The following IGF2BP3 variants were observed in gnomAD, a reference collection of about 807,000 sequenced individuals.
IGF2BP3 encodes insulin like growth factor 2 mRNA binding protein 3.
IGF2BP3 carries 9 observed loss-of-function variants against 73.8 expected under a neutral mutation model. The ratio of observed to expected loss-of-function variants is 0.12; its 90% CI spans 0.07 to 0.21. The LOEUF is 0.21. IGF2BP3 is among the 10% of genes least tolerant of loss of function. The pLI is 1.00. For missense variants in IGF2BP3, 542 were observed against 714.0 expected (o/e 0.76, Z 2.75); for synonymous variants, 258 against 256.7 (o/e 1.01, Z -0.05).
At chr7:23,457,220 T>G (rs1222061006) in intron 2 of IGF2BP3, among the ~76,000 whole-genome samples, 1 of 152,076 alleles carries the variant, frequency 6.6e-6, no homozygotes, top group Non-Finnish European at 1.5e-5. Context: ...CCCAGCACTT[T>G]GGGAGGCTAA....
At chr7:23,377,734 G>T (rs1263844712) in intron 3 of IGF2BP3, among the ~76,000 whole-genome samples, 1 of 152,184 alleles carries the variant, frequency 6.6e-6, no homozygotes, top group African/African-American at 2.4e-5. Flanking sequence ...TGGATAAACA[G>T]TAAGTGGTAT....
intron 6 of IGF2BP3, among the ~76,000 whole-genome samples, chr7:23,348,248 A>C (rs1784879717): frequency 6.6e-6 from 1 of 152,230 alleles, no homozygotes; most frequent in Admixed American, 6.5e-5. Flanking sequence ...TGCAACGAAC[A>C]GTGATAGGAA....
intron 2 of IGF2BP3, among the ~76,000 whole-genome samples, chr7:23,457,474 A>T (rs1584066288): frequency 6.6e-6 from 1 of 152,140 alleles, no homozygotes; most frequent in East Asian, 1.9e-4. Flanking sequence ...AAAAAAAAAA[A>T]ATTTTTTTTA....
In IGF2BP3 at chr7:23,445,111, T is replaced by C. The variant is rs1448196558; in HGVS notation, c.236+23371A>G. Reference sequence around the variant, plus strand: ...AGTAAGGTATGGTGCTAAGTCGTATTTTTTCTAAAAAAGCATACATTCACA... The same window carrying C: ...AGTAAGGTATGGTGCTAAGTCGTATCTTTTCTAAAAAAGCATACATTCACA... On this transcript the variant is annotated intron_variant, in intron 2 of 14. Coordinates refer to ENST00000258729, the MANE Select transcript of IGF2BP3 (RefSeq NM_006547.3). Among the ~76,000 whole-genome samples the C allele has an allele frequency of 2.6e-5, 4 of 152,240 alleles. No homozygotes were observed. The East Asian group carries it at 7.7e-4, about 29-fold the overall frequency.
chr7:23,396,233 TTAAATA>T (rs966452074), intron 3 of IGF2BP3, among the ~76,000 whole-genome samples: 6 of 151,926 alleles, frequency 3.9e-5, no homozygotes, highest in African/African-American at 1.4e-4. Flanking sequence ...CATAAGACAA[TTAAATA>T]TAAAGTGCTG....
At chr7:23,405,364 C>T (rs1786793865) in intron 3 of IGF2BP3, among the ~76,000 whole-genome samples, 1 of 152,184 alleles carries the variant, frequency 6.6e-6, no homozygotes, top group South Asian at 2.1e-4. Flanking sequence ...GTAAAGATAA[C>T]AGACAGACTA....
chr7:23,383,665 C>T (rs1785984551), intron 3 of IGF2BP3, among the ~76,000 whole-genome samples: 1 of 152,142 alleles, frequency 6.6e-6, no homozygotes, highest in African/African-American at 2.4e-5. Flanking sequence ...CACATGTTCA[C>T]ACAAGAAATC....
intron 3 of IGF2BP3, among the ~76,000 whole-genome samples, chr7:23,404,238 G>C (rs1786758813): frequency 6.6e-6 from 1 of 152,002 alleles, no homozygotes; most frequent in Non-Finnish European, 1.5e-5. Flanking sequence ...CAAAGGCAGA[G>C]TACTAAAGAG....
intron 3 of IGF2BP3, among the ~76,000 whole-genome samples, chr7:23,370,667 G>GT (rs1474763124): frequency 6.7e-6 from 1 of 150,066 alleles, no homozygotes; most frequent in Non-Finnish European, 1.5e-5. Flanking sequence ...CTAGTTCTAG[G>GT]TTTTTTGGTT....
At chr7:23,417,245 A>G (rs1317706751) in intron 3 of IGF2BP3, among the ~76,000 whole-genome samples, 1 of 152,202 alleles carries the variant, frequency 6.6e-6, no homozygotes. Flanking sequence ...AAAGGGAGTC[A>G]AAGGTGAAGA....
intron 2 of IGF2BP3, among the ~76,000 whole-genome samples, chr7:23,438,035 C>A (rs1263862704): frequency 6.6e-6 from 1 of 152,236 alleles, no homozygotes; most frequent in Non-Finnish European, 1.5e-5. Context: ...CTCACTTACA[C>A]AGATATTCAG....
rs189221807 is a variant in IGF2BP3, at chr7:23,411,869, C to T, written c.285+6907G>A. ...TCATCCACGGCTTACAGTGGGGTCT[C>T]TCTGAGCTATTTTATATTAACTATG... On this transcript the variant is annotated intron_variant, in intron 3 of 14. Transcript: ENST00000258729. Among the ~76,000 whole-genome samples, 441 of 152,080 alleles carry T rather than the reference C, an allele frequency of 2.9e-3. 4 individuals carry two copies. The highest frequency in any genetic ancestry group is 4.0e-3 in the Non-Finnish European group (269 of 67,996).
At chr7:23,314,291 T>C (rs1273595896) in intron 12 of IGF2BP3, among the ~76,000 whole-genome samples, 1 of 151,940 alleles carries the variant, frequency 6.6e-6, no homozygotes, top group East Asian at 1.9e-4. Flanking sequence ...CAAGTGATTC[T>C]CCTGCCTCAG....
At chr7:23,326,138 A>C (rs1171910198) in intron 10 of IGF2BP3, among the ~76,000 whole-genome samples, 10 of 152,184 alleles carry the variant, frequency 6.6e-5, no homozygotes, top group Admixed American at 3.9e-4. Context: ...CAACCTACAG[A>C]ATGGGAGAAA....
intron 2 of IGF2BP3, among the ~76,000 whole-genome samples, chr7:23,426,998 T>A (rs1787530290): frequency 6.6e-6 from 1 of 152,234 alleles, no homozygotes; most frequent in South Asian, 2.1e-4. Flanking sequence ...TTCTTTCCCT[T>A]CTGCAGCAGA....
At chr7:23,376,875 T>TA (rs1477694857) in intron 3 of IGF2BP3, among the ~76,000 whole-genome samples, 2 of 152,076 alleles carry the variant, frequency 1.3e-5, no homozygotes, top group African/African-American at 2.4e-5. Context: ...ACTAACTAAA[T>TA]AAAAAAACCT....
At chr7:23,419,628 G>C (rs1320314059) in intron 2 of IGF2BP3, among the ~76,000 whole-genome samples, 1 of 152,200 alleles carries the variant, frequency 6.6e-6, no homozygotes, top group Non-Finnish European at 1.5e-5. Flanking sequence ...AAGGCAGGTG[G>C]ATCACTTGAG....
intron 11 of IGF2BP3, among the ~76,000 whole-genome samples, chr7:23,318,367 T>G (rs182297981): frequency 3.9e-5 from 6 of 152,070 alleles, no homozygotes; most frequent in Non-Finnish European, 8.8e-5. Flanking sequence ...GGACTACAGG[T>G]GTGTGCCACC....
At chr7:23,367,065 G>A (rs185758397) in intron 3 of IGF2BP3, among the ~76,000 whole-genome samples, 1 of 138,030 alleles carries the variant, frequency 7.2e-6, no homozygotes, top group Non-Finnish European at 1.5e-5. Context: ...TGCAACCTCC[G>A]CCTCCCAGGC....
Sources: gnomAD v4.1 joint callset for allele counts (sites outside exome capture counted in the v4.1 genomes callset) on GRCh38, gnomAD v4.1.1 for gene constraint, MANE v1.5 for transcripts, NCBI Gene and HGNC (gene_info 2026-07-23, HGNC 2026-07-21) for gene names.